Variants in ADCY10 observed in about 807,000 individuals in gnomAD.
ADCY10 encodes the protein adenylate cyclase type 10.
A neutral mutation model predicts 183.3 loss-of-function variants in ADCY10; 156 were observed. The observed-to-expected ratio is 0.85, with a 90% confidence interval of 0.75 to 0.97. ADCY10 has a LOEUF of 0.97. Ranked by LOEUF, ADCY10 falls within the 50% of genes least tolerant of loss-of-function variation. The pLI, the probability that ADCY10 is intolerant of heterozygous loss-of-function variation, is 0.00. For synonymous variants in ADCY10, 645 were observed against 670.0 expected (o/e 0.96, Z 0.58); for missense variants, 1,745 against 1,934.3 (o/e 0.90, Z 1.84).
chr1:167,892,352 C>T (rs550521545), intron 8 of ADCY10, among the ~76,000 whole-genome samples: 7 of 152,140 alleles, frequency 4.6e-5, no homozygotes, highest in South Asian at 2.1e-4. Context: ...AAGAGGACTA[C>T]GGTATCTTTA....
At position 167,845,661 on chromosome 1, in the gene ADCY10, C is replaced by T; in HGVS notation, c.2909G>A (p.Arg970Lys). 6.2e-7 allele frequency: 1 copy of T among 1,614,272 alleles called. No homozygotes were observed. The highest frequency in any genetic ancestry group is 8.5e-7 in the Non-Finnish European group (1 of 1,180,052). Residue 970 changes from arginine to lysine, a missense_variant, in exon 21 of 33, where the codon AGG becomes AAG. Physicochemically the swap from Arg to Lys is conservative, Grantham distance 26. Transcript: ENST00000367851. ...GAAGTGATGATAGGGAATGAAGTCC[C>T]TGCCTCGGCAGTGGTCACATCTGTG... ...DAHRCDHCRG[R>K]DFIPYHHFTV...
intron 13 of ADCY10, among the ~76,000 whole-genome samples, chr1:167,874,468 A>T (rs1180694513): frequency 1.3e-5 from 2 of 152,186 alleles, no homozygotes; most frequent in South Asian, 4.1e-4. Context: ...AAGGATAAAG[A>T]TTGATAAAAC....
chr1:167,901,941 C>G, intron 4 of ADCY10, 75 bp downstream of exon 4: 1 of 1,607,636 alleles, frequency 6.2e-7, no homozygotes, highest in Non-Finnish European at 8.5e-7. Context: ...AGGATGCCTC[C>G]TTTGTCCCCA....
In ADCY10 at chr1:167,824,432, C is replaced by T. The variant is rs1476074; in HGVS notation, c.4052+44G>A. 650,185 of 1,510,994 alleles carry T rather than the reference C, an allele frequency of 0.43. 142,151 individuals carry two copies. The highest frequency in any genetic ancestry group is 0.47 in the East Asian group (20,894 of 44,392). 93.6% of individuals were successfully genotyped at this position (1,510,994 alleles called of 1,614,324 possible). ...GTTGAACCCAGAATACTCAATAATACGGCCTCCTCCCCCTAATTTTGGAAA... is the reference window on the plus strand; with the variant it reads ...GTTGAACCCAGAATACTCAATAATATGGCCTCCTCCCCCTAATTTTGGAAA... On this transcript the variant is annotated intron_variant, in intron 28 of 32. Coordinates refer to ENST00000367851, the MANE Select transcript of ADCY10 (RefSeq NM_018417.6).
intron 25 of ADCY10, among the ~76,000 whole-genome samples, chr1:167,831,275 C>T (rs1663711508): frequency 6.6e-6 from 1 of 152,068 alleles, no homozygotes; most frequent in Non-Finnish European, 1.5e-5. Flanking sequence ...CTTTAACCTC[C>T]ACCTCCCTGG....
chr1:167,883,361 A>G lies in ADCY10; in HGVS notation c.1020+76T>C, dbSNP rs912715696. The G allele has an allele frequency of 2.4e-5, 37 of 1,519,002 alleles. No individual in the cohort carries two copies. In the Middle Eastern group the frequency reaches 5.1e-4, roughly 21 times the overall value. 94.1% of individuals were successfully genotyped at this position (1,519,002 alleles called of 1,614,324 possible). A position where few individuals can be genotyped will look rare whatever the true frequency, so the allele number is the denominator to read the frequency against. The stretch of plus-strand genomic sequence containing the variant: ...CCTCTAGGTTAAATTTCCTGTGTCT[A>G]TTCTCACCAATGTGCTTGTCCATGA... On this transcript the variant is annotated intron_variant, in intron 9 of 32. Coordinates refer to ENST00000367851, the MANE Select transcript of ADCY10 (RefSeq NM_018417.6).
chr1:167,836,382 C>G lies in ADCY10; in HGVS notation c.3236G>C (p.Gly1079Ala). Residue 1079 changes from glycine (G) to alanine (A), a missense_variant, in exon 23 of 33, where the codon GGA becomes GCA. Gly to Ala is a moderately conservative substitution (Grantham distance 60, BLOSUM62 0). Coordinates refer to ENST00000367851, the MANE Select transcript of ADCY10 (RefSeq NM_018417.6). ...GTAATATAAGGCTTTGTCATTTTCT[C>G]CCAAAGCCAGAAAATGGTGGGCCAG... ...LPLAHHFLALGENDKALYYFL... is the reference protein window; with the variant it reads ...LPLAHHFLALAENDKALYYFL... 1 of 1,614,068 alleles carries G rather than the reference C, an allele frequency of 6.2e-7. No individual in the cohort carries two copies. Among genetic ancestry groups the G allele is most frequent in the Non-Finnish European group, 8.5e-7 (1 of 1,179,998 alleles).
chr1:167,883,643 G>A lies in ADCY10; in HGVS notation c.829-15C>T, dbSNP rs200024116. On this transcript the variant is annotated splice_polypyrimidine_tract_variant and intron_variant, in intron 8 of 32. Coordinates refer to ENST00000367851, the MANE Select transcript of ADCY10 (RefSeq NM_018417.6). ...TTGTTATCAATCTGCAAAGTAGAGA[G>A]CAGCTTTCTGTAGGTGTCCTTGGCA... The A allele has an allele frequency of 1.6e-4, 251 of 1,613,948 alleles. No individual in the cohort carries two copies. Among genetic ancestry groups the A allele is most frequent in the Middle Eastern group, 1.6e-4 (1 of 6,082 alleles).
At chr1:167,836,641 G>A in intron 22 of ADCY10, 101 bp from the exon 23 acceptor site, 4 of 866,362 alleles carry the variant, frequency 4.6e-6, no homozygotes, top group Non-Finnish European at 7.4e-6. Context: ...TGTAATTCCA[G>A]CAGTTTGGGA....
intron 25 of ADCY10, among the ~76,000 whole-genome samples, chr1:167,831,287 T>G (rs1353818800): frequency 6.6e-6 from 1 of 152,128 alleles, no homozygotes; most frequent in Non-Finnish European, 1.5e-5. Context: ...CCTCCCTGGT[T>G]CAAGCAATTC....
At chr1:167,906,149 A>T (rs368620702) in intron 1 of ADCY10, among the ~76,000 whole-genome samples, 2 of 152,178 alleles carry the variant, frequency 1.3e-5, no homozygotes, top group Admixed American at 1.3e-4. Context: ...TATCCCTTAG[A>T]TTTAAGGGGA....
chr1:167,890,210 T>C (rs1299661172), intron 8 of ADCY10, among the ~76,000 whole-genome samples: 1 of 152,216 alleles, frequency 6.6e-6, no homozygotes, highest in East Asian at 1.9e-4. Flanking sequence ...TGGGAAGGCT[T>C]TCCATATATT....
At chr1:167,888,779 G>A (rs1041784054) in intron 8 of ADCY10, among the ~76,000 whole-genome samples, 3 of 140,148 alleles carry the variant, frequency 2.1e-5, no homozygotes, top group African/African-American at 8.1e-5. Context: ...AGGAGGCTGA[G>A]GCAGGAGAAT....
rs761860202 is a variant in ADCY10, at chr1:167,878,512, T to C, written c.1340A>G (p.Lys447Arg). The C allele has an allele frequency of 4.3e-6, 7 of 1,614,162 alleles. No homozygotes were observed. Among genetic ancestry groups the C allele is most frequent in the Admixed American group, 3.3e-5 (2 of 60,010 alleles). The change falls in exon 12 of 33, where the codon AAG (lysine) becomes AGG (arginine). Residue 447 changes from lysine to arginine, a missense_variant. By Grantham distance (26) the Lys-to-Arg change is conservative. Transcript: ENST00000367851. ...LPAYFFKELP[K>R]KVMKGVADSG... ...ATCTGCAACACCTTTCATAACTTTC[T>C]TTGGAAGCTCTTTAAAAAAGTACGC... is the stretch of plus-strand genomic sequence containing the variant.
intron 32 of ADCY10, among the ~76,000 whole-genome samples, 194 bp downstream of exon 32, chr1:167,810,531 A>C (rs1009862437): frequency 6.6e-6 from 1 of 152,194 alleles, no homozygotes; most frequent in Non-Finnish European, 1.5e-5. Flanking sequence ...CTCACCAGAC[A>C]GCGAATCTCC....
chr1:167,856,152 A>G lies in ADCY10; in HGVS notation c.2171+13T>C. The G allele has an allele frequency of 2.5e-6, 4 of 1,613,940 alleles. No homozygotes were observed. The highest frequency in any genetic ancestry group is 3.4e-6 in the Non-Finnish European group (4 of 1,179,800). Reference sequence around the variant, plus strand: ...CAGATGTCGAGAGTTCAGAATAGAAAGAGGTTACTTACGAGTCCAGTTCTT... The same window carrying G: ...CAGATGTCGAGAGTTCAGAATAGAAGGAGGTTACTTACGAGTCCAGTTCTT... On this transcript the variant is annotated intron_variant, in intron 17 of 32. Coordinates refer to ENST00000367851, the MANE Select transcript of ADCY10 (RefSeq NM_018417.6).
At chr1:167,884,491 G>A (rs1464173404) in intron 8 of ADCY10, among the ~76,000 whole-genome samples, 3 of 152,048 alleles carry the variant, frequency 2.0e-5, no homozygotes, top group Non-Finnish European at 2.9e-5. Context: ...ATTTGGGAGG[G>A]GATACAAATC....
intron 25 of ADCY10, among the ~76,000 whole-genome samples, chr1:167,830,240 A>G (rs1289796977): frequency 6.6e-6 from 1 of 151,376 alleles, no homozygotes; most frequent in Admixed American, 6.6e-5. Flanking sequence ...CCTCCAGCCC[A>G]CTTTTCCCCT....
chr1:167,857,170 G>GGT (rs1181861469), intron 16 of ADCY10, among the ~76,000 whole-genome samples: 15 of 152,340 alleles, frequency 9.8e-5, no homozygotes, highest in Admixed American at 9.1e-4. Flanking sequence ...CACTGTGTAA[G>GGT]GTGTCACAAT....
Sources: allele counts gnomAD v4.1 joint callset (sites outside exome capture counted in the v4.1 genomes callset), GRCh38; gene constraint gnomAD v4.1.1; transcripts MANE v1.5; gene names NCBI Gene and HGNC (gene_info 2026-07-23, HGNC 2026-07-21).